Variants in SLC35F3 observed in about 807,000 individuals in gnomAD.
SLC35F3 encodes the protein solute carrier family 35 member F3, also known as putative thiamine transporter SLC35F3.
In SLC35F3, 25 loss-of-function variants were observed where a neutral mutation model predicts 49.9. The observed-to-expected ratio is 0.50, with a 90% CI of 0.37 to 0.70. The LOEUF is 0.70. Ranked by LOEUF, SLC35F3 falls within the 30% of genes least tolerant of loss-of-function variation. The probability of loss-of-function intolerance (pLI) is 0.00; values close to 1 mark genes in which losing one functional copy is unlikely to be tolerated. For synonymous variants in SLC35F3, 275 were observed against 265.4 expected (o/e 1.04, Z -0.35); for missense variants, 525 against 639.8 (o/e 0.82, Z 1.94).
intron 2 of SLC35F3, among the ~76,000 whole-genome samples, chr1:234,013,641 A>G (rs930196617): frequency 6.6e-5 from 10 of 152,078 alleles, no homozygotes; most frequent in Admixed American, 2.0e-4. Context: ...ATCAGAACTC[A>G]GAGAGGAGAC....
At chr1:234,108,261 ATATATATAAAAGATATATATTATT>A (rs566092114) in intron 2 of SLC35F3, among the ~76,000 whole-genome samples, 17,264 of 91,988 alleles carry the variant, frequency 0.19, 3,804 homozygotes, top group African/African-American at 0.25. Context: ...ATATATATTT[ATATATATAAAAGATATATATTATT>A]TATATATAAA....
intron 2 of SLC35F3, among the ~76,000 whole-genome samples, chr1:234,056,422 T>C (rs1488895467): frequency 6.6e-6 from 1 of 152,198 alleles, no homozygotes; most frequent in African/African-American, 2.4e-5. Context: ...TACAACTCAA[T>C]GTATATTAGT....
At chr1:234,180,878 G>A (rs938752674) in intron 2 of SLC35F3, among the ~76,000 whole-genome samples, 4 of 152,052 alleles carry the variant, frequency 2.6e-5, no homozygotes, top group Non-Finnish European at 4.4e-5. Context: ...AGTGGAAATC[G>A]TACAATGAAC....
intron 2 of SLC35F3, among the ~76,000 whole-genome samples, chr1:234,077,814 G>C (rs1218597149): frequency 1.3e-5 from 2 of 150,520 alleles, no homozygotes; most frequent in African/African-American, 5.0e-5. Flanking sequence ...GTGCTGCCTG[G>C]CACCCTCCAG....
At chr1:234,080,129 C>T (rs972106981) in intron 2 of SLC35F3, among the ~76,000 whole-genome samples, 3 of 152,130 alleles carry the variant, frequency 2.0e-5, no homozygotes, top group Admixed American at 6.5e-5. Context: ...AGAGGCTGAG[C>T]GTTCACTTAA....
chr1:233,929,353 C>T (rs1010511164), intron 2 of SLC35F3, among the ~76,000 whole-genome samples: 5 of 152,110 alleles, frequency 3.3e-5, no homozygotes, highest in Non-Finnish European at 7.4e-5. Flanking sequence ...ACTTTTAATG[C>T]GTCTAAGATT....
In SLC35F3 at chr1:234,214,682, T is replaced by C. The variant is rs2102941815; in HGVS notation, c.284-16735T>C. 7.3e-7 allele frequency: 1 copy of C among 1,361,030 alleles called. No individual in the cohort carries two copies. The highest frequency in any genetic ancestry group is 1.6e-5 in the South Asian group (1 of 62,002). The allele number at this position is 1,361,030 out of a possible 1,614,324, so 84.3% of individuals were successfully genotyped here. ...GGGGCGCCGGGGCTGGGGGTACTGC[T>C]CCCCCAGGACGCGGCTCCGCAGTGC... On this transcript the variant is annotated intron_variant, in intron 2 of 7. Coordinates refer to ENST00000366618, the MANE Select transcript of SLC35F3 (RefSeq NM_173508.4). This position sits in a 1 kb window ranked among gnomAD's most constrained non-coding sequence, Gnocchi z 8.0.
intron 2 of SLC35F3, among the ~76,000 whole-genome samples, chr1:234,010,910 A>G (rs1169971506): frequency 1.3e-5 from 2 of 152,188 alleles, no homozygotes; most frequent in South Asian, 2.1e-4. Flanking sequence ...AAAGGATATA[A>G]CAATTATTAA....
chr1:234,096,788 C>T (rs1197529065), intron 2 of SLC35F3, among the ~76,000 whole-genome samples: 1 of 152,050 alleles, frequency 6.6e-6, no homozygotes, highest in African/African-American at 2.4e-5. Context: ...ATTTCAATGA[C>T]CTAATATTGC....
chr1:234,113,989 C>T (rs1013925540), intron 2 of SLC35F3, among the ~76,000 whole-genome samples: 4 of 152,212 alleles, frequency 2.6e-5, no homozygotes, highest in East Asian at 1.9e-4. Flanking sequence ...GTTTAACAAT[C>T]GGCTCTCCAG....
chr1:234,045,665 C>T (rs1436663691), intron 2 of SLC35F3, among the ~76,000 whole-genome samples: 1 of 151,548 alleles, frequency 6.6e-6, no homozygotes, highest in Non-Finnish European at 1.5e-5. Flanking sequence ...AAGAATCTAC[C>T]ACCTAGCTTA....
intron 4 of SLC35F3, among the ~76,000 whole-genome samples, chr1:234,310,381 C>G (rs1171724058): frequency 6.6e-6 from 1 of 152,194 alleles, no homozygotes; most frequent in Non-Finnish European, 1.5e-5. Flanking sequence ...TCACACCCAC[C>G]TAAGTTACCC....
chr1:234,093,367 A>G (rs1403712310), intron 2 of SLC35F3, among the ~76,000 whole-genome samples: 1 of 152,232 alleles, frequency 6.6e-6, no homozygotes, highest in Non-Finnish European at 1.5e-5. Context: ...GAAAAGTACT[A>G]CAAAATATCA....
intron 2 of SLC35F3, among the ~76,000 whole-genome samples, chr1:233,927,782 G>T (rs1571983154): frequency 6.6e-6 from 1 of 151,980 alleles, no homozygotes; most frequent in South Asian, 2.1e-4. Context: ...AAATGGAATG[G>T]TATAAAATTG....
chr1:234,155,637 A>G (rs1005444122), intron 2 of SLC35F3, among the ~76,000 whole-genome samples: 6 of 152,044 alleles, frequency 3.9e-5, no homozygotes, highest in African/African-American at 1.4e-4. Context: ...CTAAATATAC[A>G]CAGTTTAATG....
intron 2 of SLC35F3, among the ~76,000 whole-genome samples, chr1:234,058,224 A>G (rs1315302774): frequency 2.0e-5 from 3 of 148,134 alleles, no homozygotes; most frequent in Non-Finnish European, 4.4e-5. Context: ...TTTATATTTC[A>G]TTCACAATAC....
chr1:234,227,693 C>A (rs919180098), intron 2 of SLC35F3, among the ~76,000 whole-genome samples: 1 of 152,282 alleles, frequency 6.6e-6, no homozygotes, highest in East Asian at 1.9e-4. Context: ...CCACCGTGCC[C>A]GGCCGGCACT....
chr1:234,211,166 T>G (rs909822721), intron 2 of SLC35F3, among the ~76,000 whole-genome samples: 2 of 152,246 alleles, frequency 1.3e-5, no homozygotes, highest in African/African-American at 4.8e-5. Flanking sequence ...TTTGGGAACC[T>G]TTACCTAGAT....
At chr1:234,319,035 C>T (rs1657555619) in intron 6 of SLC35F3, 92 bp downstream of exon 6, 3 of 1,054,676 alleles carry the variant, frequency 2.8e-6, no homozygotes, top group East Asian at 2.4e-5. Context: ...GAAAACAGTG[C>T]TCTTTGCTAT....
Sources: gnomAD v4.1 joint callset for allele counts (sites outside exome capture counted in the v4.1 genomes callset) on GRCh38, gnomAD v4.1.1 for gene constraint, Gnocchi (gnomAD v3.1) non-coding constraint, MANE v1.5 for transcripts, NCBI Gene and HGNC (gene_info 2026-07-23, HGNC 2026-07-21) for gene names.